Variants in ZFAND3 observed in about 807,000 individuals in gnomAD.
The protein encoded by ZFAND3 is zinc finger AN1-type containing 3.
A neutral mutation model predicts 29.6 loss-of-function variants in ZFAND3; 10 were observed. That is an observed-to-expected ratio of 0.34 (90% confidence interval 0.21 to 0.57). ZFAND3 has a LOEUF of 0.57. Among genes scored for constraint, ZFAND3 ranks in the 20% least tolerant of loss-of-function variants. The pLI is 0.86. For missense variants in ZFAND3, 230 were observed against 304.5 expected (o/e 0.76, Z 1.82); for synonymous variants, 128 against 112.6 (o/e 1.14, Z -0.87).
At position 37,953,770 on chromosome 6, in the gene ZFAND3, A is replaced by G. The variant is rs554260863; in HGVS notation, c.112+23771A>G. Among the ~76,000 whole-genome samples, 468 of 152,190 alleles carry G rather than the reference A, an allele frequency of 3.1e-3. 3 individuals carry two copies. The highest frequency in any genetic ancestry group is 0.011 in the African/African-American group (445 of 41,516). On this transcript the variant is annotated intron_variant, in intron 2 of 5. Transcript: ENST00000287218. ...CCTGGACTATAGTCAATTATCTTTT[A>G]AAGAGATTTAATTAAGAAGATATCA...
intron 3 of ZFAND3, among the ~76,000 whole-genome samples, chr6:38,065,640 A>G (rs1480268131): frequency 1.3e-5 from 2 of 152,218 alleles, no homozygotes; most frequent in Non-Finnish European, 2.9e-5. Flanking sequence ...AGAGAGGTTC[A>G]TTAACTTTCT....
At position 38,111,922 on chromosome 6, in the gene ZFAND3, T is replaced by A. The variant is rs992634622; in HGVS notation, c.362-4650T>A. ...TACTTTGCCATTTTATATAAGGGAC[T>A]TGAGCATCTATGGAATTTGGTATCC... On this transcript the variant is annotated intron_variant, in intron 4 of 5. Transcript: ENST00000287218. 7.2e-5 allele frequency among the ~76,000 whole-genome samples: 11 copies of A among 152,324 alleles called. 1 individual carries two copies. The highest frequency in any genetic ancestry group is 3.3e-4 in the Admixed American group (5 of 15,302).
intron 2 of ZFAND3, among the ~76,000 whole-genome samples, chr6:37,939,624 A>C (rs1269953064): frequency 1.3e-5 from 2 of 152,190 alleles, no homozygotes; most frequent in East Asian, 3.9e-4. Context: ...TGTGCACTCA[A>C]ATTTTATGCT....
At chr6:38,095,754 GA>G (rs1764965041) in intron 4 of ZFAND3, among the ~76,000 whole-genome samples, 1 of 152,174 alleles carries the variant, frequency 6.6e-6, no homozygotes, top group African/African-American at 2.4e-5. Context: ...GCTTCAGCCA[GA>G]CACGGTGGCT....
chr6:38,030,797 T>C (rs183863865), intron 2 of ZFAND3, among the ~76,000 whole-genome samples: 6 of 152,056 alleles, frequency 3.9e-5, no homozygotes, highest in Non-Finnish European at 8.8e-5. Flanking sequence ...AAAAACTTCA[T>C]GGGGGTAAGG....
intron 1 of ZFAND3, among the ~76,000 whole-genome samples, chr6:37,859,992 C>T (rs1197611487): frequency 2.0e-5 from 3 of 150,516 alleles, no homozygotes; most frequent in African/African-American, 7.3e-5. Flanking sequence ...CTGCCTCAGC[C>T]TCCTAAGTGG....
chr6:37,860,637 GTTTTT>G (rs58902274), intron 1 of ZFAND3, among the ~76,000 whole-genome samples: 1 of 97,244 alleles, frequency 1.0e-5, no homozygotes, highest in Admixed American at 1.0e-4. Flanking sequence ...TATTCACTTA[GTTTTT>G]TTTTTTTTTT....
At chr6:37,834,788 CATAT>C (rs900342960) in intron 1 of ZFAND3, among the ~76,000 whole-genome samples, 39 of 145,416 alleles carry the variant, frequency 2.7e-4, no homozygotes, top group African/African-American at 9.5e-4. Flanking sequence ...ATATATCATG[CATAT>C]ATAATGATAT....
At chr6:38,046,024 C>T (rs1343281880) in intron 2 of ZFAND3, among the ~76,000 whole-genome samples, 2 of 152,188 alleles carry the variant, frequency 1.3e-5, no homozygotes, top group Admixed American at 6.5e-5. Flanking sequence ...TTTTCTTACA[C>T]CATCCCTCAT....
At position 38,119,151 on chromosome 6, in the gene ZFAND3, A is replaced by G. The variant is rs192418936; in HGVS notation, c.529+2412A>G. On this transcript the variant is annotated intron_variant, in intron 5 of 5. Coordinates refer to ENST00000287218, the MANE Select transcript of ZFAND3 (RefSeq NM_021943.3). Reference sequence around the variant, plus strand: ...GACTGAGTCGACTGTCACCCTTCAAAAGATGAAGGACAACAATGGGAACAT... The same window carrying G: ...GACTGAGTCGACTGTCACCCTTCAAGAGATGAAGGACAACAATGGGAACAT... Among the ~76,000 whole-genome samples the G allele has an allele frequency of 1.8e-3, 281 of 152,294 alleles. 2 individuals are homozygous for G. Among genetic ancestry groups the G allele is most frequent in the African/African-American group, 6.5e-3 (271 of 41,566 alleles).
intron 2 of ZFAND3, among the ~76,000 whole-genome samples, chr6:38,047,305 ACT>A (rs1448224860): frequency 1.4e-5 from 2 of 147,104 alleles, no homozygotes; most frequent in Admixed American, 6.9e-5. Flanking sequence ...ACAGAGGGAG[ACT>A]CTGTCTCAAA....
chr6:38,097,861 T>C (rs1383910771), intron 4 of ZFAND3, among the ~76,000 whole-genome samples: 5 of 151,998 alleles, frequency 3.3e-5, no homozygotes, highest in African/African-American at 9.7e-5. Flanking sequence ...GCCAGTCAGA[T>C]TGGAGAATGC....
At chr6:37,901,481 A>G (rs1022978232) in intron 1 of ZFAND3, among the ~76,000 whole-genome samples, 1 of 152,208 alleles carries the variant, frequency 6.6e-6, no homozygotes, top group East Asian at 1.9e-4. Flanking sequence ...ACGTGGTGGC[A>G]CACACCTGTA....
At chr6:38,083,386 G>A (rs1280122729) in intron 4 of ZFAND3, among the ~76,000 whole-genome samples, 1 of 152,094 alleles carries the variant, frequency 6.6e-6, no homozygotes, top group African/African-American at 2.4e-5. Flanking sequence ...GGTAGGGTAG[G>A]GGGTGTGAGA....
intron 1 of ZFAND3, among the ~76,000 whole-genome samples, chr6:37,885,952 A>G (rs1764981319): frequency 6.6e-6 from 1 of 151,982 alleles, no homozygotes; most frequent in South Asian, 2.1e-4. Flanking sequence ...TTTAAGTTCG[A>G]ACAGGCCAGG....
At chr6:38,121,525 A>G (rs989302951) in intron 5 of ZFAND3, among the ~76,000 whole-genome samples, 7 of 152,250 alleles carry the variant, frequency 4.6e-5, no homozygotes, top group African/African-American at 1.7e-4. Flanking sequence ...GAATGTTTTC[A>G]CAGCCTTTCT....
rs764619824 is a variant in ZFAND3 at position 38,126,071 on chromosome 6, C to A, written c.529+9332C>A. 2.6e-5 allele frequency among the ~76,000 whole-genome samples: 4 copies of A among 152,262 alleles called. No individual in the cohort carries two copies. The East Asian group carries it at 7.7e-4, about 29-fold the overall frequency. ...CATCATCCCAAAAAGTTCCCTCATG[C>A]CCCTTTTCAGTCGATCCATATTCTC... On this transcript the variant is annotated intron_variant, in intron 5 of 5. Coordinates refer to ENST00000287218, the MANE Select transcript of ZFAND3 (RefSeq NM_021943.3).
chr6:37,992,416 A>G (rs193231852), intron 2 of ZFAND3, among the ~76,000 whole-genome samples: 69 of 152,326 alleles, frequency 4.5e-4, no homozygotes, highest in African/African-American at 1.6e-3. Context: ...GTTCAAACCT[A>G]CAGGAAAGTT....
At chr6:38,074,977 A>C (rs753477497) in intron 3 of ZFAND3, among the ~76,000 whole-genome samples, 4 of 152,206 alleles carry the variant, frequency 2.6e-5, no homozygotes, top group Non-Finnish European at 4.4e-5. Context: ...TTTTAAGCCT[A>C]CTGTATAGAC....
Sources: gnomAD v4.1 joint callset for allele counts (sites outside exome capture counted in the v4.1 genomes callset) on GRCh38, gnomAD v4.1.1 for gene constraint, MANE v1.5 for transcripts, NCBI Gene and HGNC (gene_info 2026-07-23, HGNC 2026-07-21) for gene names.